Variants in TTC38 observed in about 807,000 individuals in gnomAD.
The protein encoded by TTC38 is tetratricopeptide repeat domain 38, also known as tetratricopeptide repeat protein 38.
A neutral mutation model predicts 64.2 loss-of-function variants in TTC38; 64 were observed. That is an observed-to-expected ratio of 1.00 (90% CI 0.81 to 1.23). TTC38 has a LOEUF of 1.23. Among genes scored for constraint, TTC38 ranks in the 50% most tolerant of loss-of-function variants. TTC38 has a pLI of 0.00. For missense variants in TTC38, 573 were observed against 615.5 expected (o/e 0.93, Z 0.73); for synonymous variants, 254 against 249.3 (o/e 1.02, Z -0.18).
At chr22:46,283,005 C>T (rs924938118) in intron 7 of TTC38, among the ~76,000 whole-genome samples, 7 of 152,174 alleles carry the variant, frequency 4.6e-5, no homozygotes, top group Non-Finnish European at 7.4e-5. Flanking sequence ...CAGGGCTCAC[C>T]GCAGCCTCGA....
rs774476435 is a variant in TTC38, at chr22:46,275,537, C to T, written c.539+116C>T. On this transcript the variant is annotated intron_variant, in intron 5 of 13. Coordinates refer to ENST00000381031, the MANE Select transcript of TTC38 (RefSeq NM_017931.4). The surrounding 1 kb of genome is among the most constrained non-coding windows in gnomAD (Gnocchi z 4.5). ...AAATAATGGGACCACTGTTGCTATT[C>T]TCCTAGTTCCTTAAAGTTCAAAGGC... 1 of 1,052,246 alleles carries T rather than the reference C, an allele frequency of 9.5e-7. No individual in the cohort carries two copies. Among genetic ancestry groups the T allele is most frequent in the Non-Finnish European group, 1.4e-6 (1 of 730,700 alleles). The allele number at this position is 1,052,246 out of a possible 1,614,324, so 65.2% of individuals were successfully genotyped here.
Position 46,273,340 on chromosome 22 carries a change from G to A in TTC38, c.194-558G>A, listed in dbSNP as rs1200538687. On this transcript the variant is annotated intron_variant, in intron 3 of 13. Transcript: ENST00000381031. The surrounding 1 kb of genome is among the most constrained non-coding windows in gnomAD (Gnocchi z 5.1). ...TCCTGGGTCCCAGGCCTGAGCCAGT[G>A]ACCAAGTTCCAAATGCCAGTGGACA... Among the ~76,000 whole-genome samples the A allele has an allele frequency of 6.6e-6, 1 of 152,212 alleles. No individual in the cohort carries two copies. The highest frequency in any genetic ancestry group is 1.9e-4 in the East Asian group (1 of 5,188).
rs537101021 is a variant in TTC38, at chr22:46,281,533, G to T, written c.616-66G>T. On this transcript the variant is annotated intron_variant, in intron 6 of 13. Transcript: ENST00000381031. The surrounding 1 kb of genome is among the most constrained non-coding windows in gnomAD (Gnocchi z 5.2). ...CCCTCTTGCCCCTTAGAGACCTGCC[G>T]TCGCCTGCCCCGGCAGCCTGACTGA... 7.7e-5 allele frequency: 114 copies of T among 1,474,950 alleles called. 1 individual carries two copies. The South Asian group carries it at 1.3e-3, about 16-fold the overall frequency. 91.4% of individuals were successfully genotyped at this position (1,474,950 alleles called of 1,614,324 possible).
rs989235037 is a variant in TTC38 at position 46,281,480 on chromosome 22, C to G, written c.616-119C>G. 17 of 1,120,446 alleles carry G rather than the reference C, an allele frequency of 1.5e-5. No homozygotes were observed. Among genetic ancestry groups the G allele is most frequent in the East Asian group, 2.4e-5 (1 of 41,330 alleles). The allele number at this position is 1,120,446 out of a possible 1,614,324, so 69.4% of individuals were successfully genotyped here. A position where few individuals can be genotyped will look rare whatever the true frequency, so the allele number is the denominator to read the frequency against. ...GTTTTGAGTCAGAGCCCCGCCCCCC[C>G]ACTTGCTCCACCCCGTTCAGCCCAG... On this transcript the variant is annotated intron_variant, in intron 6 of 13. Coordinates refer to ENST00000381031, the MANE Select transcript of TTC38 (RefSeq NM_017931.4). This position sits in a 1 kb window ranked among gnomAD's most constrained non-coding sequence, Gnocchi z 5.2.
At chr22:46,285,815 C>A (rs2077567492) in intron 9 of TTC38, among the ~76,000 whole-genome samples, 1 of 151,782 alleles carries the variant, frequency 6.6e-6, no homozygotes, top group Non-Finnish European at 1.5e-5. Context: ...GAGTTCAAGA[C>A]CAGCCTGGCC....
rs986738812 is a variant in TTC38 at position 46,293,852 on chromosome 22, A to T, written c.*968A>T. ...GGTCCCAGTGCACAGATGTTTTTCA[A>T]GTTCCTCAGTTTGTACTGAAATTAG... On this transcript the variant is annotated 3_prime_UTR_variant, in exon 14 of 14. Coordinates refer to ENST00000381031, the MANE Select transcript of TTC38 (RefSeq NM_017931.4). This position sits in a 1 kb window ranked among gnomAD's most constrained non-coding sequence, Gnocchi z 6.6. 2 of 152,254 alleles carry T rather than the reference A, an allele frequency of 1.3e-5. No homozygotes were observed. The highest frequency in any genetic ancestry group is 4.8e-5 in the African/African-American group (2 of 41,432). 9.4% of individuals were successfully genotyped at this position (152,254 alleles called of 1,614,324 possible).
chr22:46,292,988 G>A lies in TTC38; in HGVS notation c.*104G>A, dbSNP rs111839774. 3 of 809,594 alleles carry A rather than the reference G, an allele frequency of 3.7e-6. No individual in the cohort carries two copies. The Admixed American group carries it at 6.3e-5, about 17-fold the overall frequency. The allele number at this position is 809,594 out of a possible 1,614,324, so 50.2% of individuals were successfully genotyped here. On this transcript the variant is annotated 3_prime_UTR_variant, in exon 14 of 14. Coordinates refer to ENST00000381031, the MANE Select transcript of TTC38 (RefSeq NM_017931.4). This position sits in a 1 kb window ranked among gnomAD's most constrained non-coding sequence, Gnocchi z 6.5. ...GTCAGGAGACGGCCAGAGCCTGTTT[G>A]TTAGGGCTGTTAGAGGGTGATCTTC...
chr22:46,284,478 A>G (rs2147797468), intron 8 of TTC38, among the ~76,000 whole-genome samples: 1 of 152,338 alleles, frequency 6.6e-6, no homozygotes, highest in East Asian at 1.9e-4. Context: ...AAAGTGAGAA[A>G]TGCTGAGAAC....
Position 46,281,810 on chromosome 22 carries a change from T to C in TTC38, c.735+92T>C, listed in dbSNP as rs1286795933. Reference sequence around the variant, plus strand: ...CTTTATGGACAAGAGTTACAGGGCATGGCTTAATTCTCGGGGTTCCCTCTC... The same window carrying C: ...CTTTATGGACAAGAGTTACAGGGCACGGCTTAATTCTCGGGGTTCCCTCTC... On this transcript the variant is annotated intron_variant, in intron 7 of 13. Coordinates refer to ENST00000381031, the MANE Select transcript of TTC38 (RefSeq NM_017931.4). The surrounding 1 kb of genome is among the most constrained non-coding windows in gnomAD (Gnocchi z 5.2). 1 of 1,557,276 alleles carries C rather than the reference T, an allele frequency of 6.4e-7. No individual in the cohort carries two copies. The highest frequency in any genetic ancestry group is 8.8e-7 in the Non-Finnish European group (1 of 1,136,168).
chr22:46,281,686 G>C lies in TTC38; in HGVS notation c.703G>C (p.Glu235Gln). 1.9e-6 allele frequency: 3 copies of C among 1,614,108 alleles called. No homozygotes were observed. Among genetic ancestry groups the C allele is most frequent in the Non-Finnish European group, 2.5e-6 (3 of 1,180,032 alleles). Residue 235 changes from glutamate (E) to glutamine (Q), a missense_variant, in exon 7 of 14, where the codon GAA becomes CAA. Physicochemically the swap from Glu to Gln is conservative, Grantham distance 29. This residue lies in a region of TTC38 where 371 missense variants were observed against 381.8 expected (regional missense o/e 0.97). Coordinates refer to ENST00000381031, the MANE Select transcript of TTC38 (RefSeq NM_017931.4). This position sits in a 1 kb window ranked among gnomAD's most constrained non-coding sequence, Gnocchi z 5.2. ...EMKAEIKDGL[E>Q]FMQHSETFWK... Reference sequence around the variant, plus strand: ...GAAAGCAGAGATCAAGGATGGGTTGGAATTCATGCAGCACTCAGAGACCTT... The same window carrying C: ...GAAAGCAGAGATCAAGGATGGGTTGCAATTCATGCAGCACTCAGAGACCTT...
intron 2 of TTC38, chr22:46,269,104 G>A (rs1278144011): frequency 1.2e-5 from 5 of 433,520 alleles, no homozygotes; most frequent in Middle Eastern, 3.4e-4. Flanking sequence ...CCCCCACAGC[G>A]TCCTAAAAGG....
At chr22:46,279,338 C>T (rs1280682521) in intron 6 of TTC38, among the ~76,000 whole-genome samples, 2 of 152,178 alleles carry the variant, frequency 1.3e-5, no homozygotes, top group East Asian at 1.9e-4. Flanking sequence ...CTCCTGTGCC[C>T]GGCTCTGTGT....
At chr22:46,269,584 A>AT (rs1354702352) in intron 2 of TTC38, among the ~76,000 whole-genome samples, 2 of 152,218 alleles carry the variant, frequency 1.3e-5, no homozygotes, top group African/African-American at 2.4e-5. Flanking sequence ...CTTCATCCAC[A>AT]TAACAGGAGG....
Position 46,281,947 on chromosome 22 carries a change from G to A in TTC38, c.735+229G>A. On this transcript the variant is annotated intron_variant, in intron 7 of 13. Transcript: ENST00000381031. The surrounding 1 kb of genome is among the most constrained non-coding windows in gnomAD (Gnocchi z 5.2). ...CCCTAGGGACTCCACTGAGGGTCCA[G>A]CCCAGACTTCTCTGTCCTTACAGGG... is the stretch of plus-strand genomic sequence containing the variant. 2 of 665,812 alleles carry A rather than the reference G, an allele frequency of 3.0e-6. No homozygotes were observed. The highest frequency in any genetic ancestry group is 3.1e-5 in the South Asian group (2 of 65,244). The allele number at this position is 665,812 out of a possible 1,614,324, so 41.2% of individuals were successfully genotyped here. A position where few individuals can be genotyped will look rare whatever the true frequency, so the allele number is the denominator to read the frequency against.
At chr22:46,286,413 C>G (rs9615934) in intron 9 of TTC38, among the ~76,000 whole-genome samples, 16,998 of 152,116 alleles carry the variant, frequency 0.11, 1,048 homozygotes, top group African/African-American at 0.16. Context: ...GTAATCCCAG[C>G]ATTTTGGGAT....
At chr22:46,279,775 G>T (rs540092101) in intron 6 of TTC38, among the ~76,000 whole-genome samples, 1 of 152,206 alleles carries the variant, frequency 6.6e-6, no homozygotes, top group Non-Finnish European at 1.5e-5. Context: ...TGGTTCCATG[G>T]CCTGGGTGAC....
Position 46,292,185 on chromosome 22 carries a change from A to T in TTC38, c.1317-606A>T, listed in dbSNP as rs1213744418. The T allele has an allele frequency of 6.9e-6, 3 of 437,188 alleles. No homozygotes were observed. The highest frequency in any genetic ancestry group is 7.1e-5 in the East Asian group (1 of 14,144). 27.1% of individuals were successfully genotyped at this position (437,188 alleles called of 1,614,324 possible). ...TCTCTTCTTTCTTCTTTCTTTTTAA[A>T]TTTTTTTATATTTTTAGAGGCAAGG... On this transcript the variant is annotated intron_variant, in intron 13 of 13. Coordinates refer to ENST00000381031, the MANE Select transcript of TTC38 (RefSeq NM_017931.4). The surrounding 1 kb of genome is among the most constrained non-coding windows in gnomAD (Gnocchi z 6.5).
At chr22:46,277,046 TACACAC>T (rs4044315) in intron 5 of TTC38, among the ~76,000 whole-genome samples, 8,090 of 131,252 alleles carry the variant, frequency 0.062, 282 homozygotes, top group Middle Eastern at 0.095. Context: ...TATATATACA[TACACAC>T]ACACACACAC....
At position 46,283,104 on chromosome 22, in the gene TTC38, A is replaced by T. The variant is rs546714913; in HGVS notation, c.736-869A>T. On this transcript the variant is annotated intron_variant, in intron 7 of 13. Coordinates refer to ENST00000381031, the MANE Select transcript of TTC38 (RefSeq NM_017931.4). The stretch of plus-strand genomic sequence containing the variant: ...CCACCACACCTGGCTAATTAAAAAA[A>T]TTTTTTTTTTTTAGAGAGACAGGGT... Among the ~76,000 whole-genome samples the T allele has an allele frequency of 4.0e-3, 587 of 147,170 alleles. 1 individual carries two copies. Among genetic ancestry groups the T allele is most frequent in the Middle Eastern group, 7.1e-3 (2 of 282 alleles).
Sources: allele counts gnomAD v4.1 joint callset (sites outside exome capture counted in the v4.1 genomes callset), GRCh38; gene constraint gnomAD v4.1.1; regional missense constraint gnomAD v4.1.1; non-coding constraint Gnocchi (gnomAD v3.1); transcripts MANE v1.5; gene names NCBI Gene and HGNC (gene_info 2026-07-23, HGNC 2026-07-21).